The following DNAH7 variants were observed in gnomAD, a reference collection of about 807,000 sequenced individuals.
The protein encoded by DNAH7 is axonemal beta dynein heavy chain 7.
A neutral mutation model predicts 444.6 loss-of-function variants in DNAH7; 397 were observed. The observed-to-expected ratio is 0.89, with a 90% CI of 0.82 to 0.97. DNAH7 has a LOEUF of 0.97. Ranked by LOEUF, DNAH7 falls within the 50% of genes least tolerant of loss-of-function variation. The probability of loss-of-function intolerance (pLI) is 0.00; values close to 1 mark genes in which losing one functional copy is unlikely to be tolerated. For missense variants in DNAH7, 4,902 were observed against 4,800.8 expected, an observed-to-expected ratio of 1.02 and a Z score of -0.62; for synonymous variants, 1,636 against 1,624.4, an observed-to-expected ratio of 1.01 and a Z score of -0.17.
At chr2:195,792,598 T>C (rs1266978459) in intron 57 of DNAH7, among the ~76,000 whole-genome samples, 1 of 152,128 alleles carries the variant, frequency 6.6e-6, no homozygotes, top group Non-Finnish European at 1.5e-5. Context: ...GAAATGGATA[T>C]TACTGCATCA....
At chr2:195,879,643 T>C (rs1236164498) in intron 36 of DNAH7, among the ~76,000 whole-genome samples, 1 of 152,170 alleles carries the variant, frequency 6.6e-6, no homozygotes, top group Non-Finnish European at 1.5e-5. Flanking sequence ...GATGTTTACA[T>C]TTAACACTCA....
At chr2:195,949,191 T>C (rs1690039916) in intron 19 of DNAH7, among the ~76,000 whole-genome samples, 1 of 152,222 alleles carries the variant, frequency 6.6e-6, no homozygotes, top group East Asian at 1.9e-4. Flanking sequence ...GATTTTGGGC[T>C]GAGACAATGG....
intron 24 of DNAH7, among the ~76,000 whole-genome samples, chr2:195,917,074 C>T (rs1687729022): frequency 6.9e-6 from 1 of 144,344 alleles, no homozygotes; most frequent in Non-Finnish European, 1.5e-5. Flanking sequence ...GGCACTCCAG[C>T]CTGGGCAACA....
intron 63 of DNAH7, among the ~76,000 whole-genome samples, chr2:195,751,250 A>G (rs968916403): frequency 3.3e-5 from 5 of 152,198 alleles, no homozygotes; most frequent in Admixed American, 6.5e-5. Context: ...ATATGTCCCA[A>G]TGATTCTTTA....
chr2:195,929,634 A>G (rs1338240838), intron 21 of DNAH7, among the ~76,000 whole-genome samples: 1 of 152,262 alleles, frequency 6.6e-6, no homozygotes, highest in African/African-American at 2.4e-5. Flanking sequence ...AGGACTCCCT[A>G]TTCAATAAAC....
At chr2:195,993,609 A>T (rs13417980) in intron 12 of DNAH7, among the ~76,000 whole-genome samples, 8,652 of 152,210 alleles carry the variant, frequency 0.057, 399 homozygotes, top group African/African-American at 0.13. Flanking sequence ...TATATTTGAA[A>T]ACAGGTTCTT....
Position 195,796,599 on chromosome 2 carries a change from G to T in DNAH7, c.10492C>A (p.Pro3498Thr), listed in dbSNP as rs1199254140. ...QNCHLATSWM[P>T]TLEKVCEELS... ...ACCTCACAGACTTTCTCAAGGGTTG[G>T]CATCCAAGAGGTGGCAAGGTGACAA... Residue 3498 changes from proline to threonine, a missense_variant, in exon 56 of 65, where the codon CCA becomes ACA. Transcript: ENST00000312428. The T allele has an allele frequency of 3.7e-6, 6 of 1,613,944 alleles. No individual in the cohort carries two copies.
intron 46 of DNAH7, among the ~76,000 whole-genome samples, chr2:195,847,125 T>C (rs1237709592): frequency 6.8e-6 from 1 of 147,502 alleles, no homozygotes; most frequent in Non-Finnish European, 1.5e-5. Context: ...ATCGGATATA[T>C]ATATATCTTA....
chr2:195,748,122 GCA>G (rs1693541929), intron 63 of DNAH7, among the ~76,000 whole-genome samples: 1 of 152,050 alleles, frequency 6.6e-6, no homozygotes, highest in Non-Finnish European at 1.5e-5. Flanking sequence ...AAGCTGATAA[GCA>G]ACTTCAGCAA....
chr2:195,774,429 G>A (rs1694977108), intron 60 of DNAH7, among the ~76,000 whole-genome samples: 1 of 152,096 alleles, frequency 6.6e-6, no homozygotes, highest in Non-Finnish European at 1.5e-5. Context: ...GGAGTTCCAT[G>A]GACTCTTCCA....
At chr2:195,741,186 A>G (rs1024243683) in intron 63 of DNAH7, 1 of 157,374 alleles carries the variant, frequency 6.4e-6, no homozygotes, top group Non-Finnish European at 1.4e-5. Context: ...TTGGTCAATG[A>G]TTATACTGTG....
At chr2:195,795,830 G>T (rs34839833) in intron 56 of DNAH7, 3,760 of 152,306 alleles carry the variant, frequency 0.025, 86 homozygotes, top group Non-Finnish European at 0.034. Context: ...TGGGAGACAC[G>T]GCCAGAACAA....
At chr2:196,054,396 C>T (rs990285057) in intron 2 of DNAH7, among the ~76,000 whole-genome samples, 3 of 151,994 alleles carry the variant, frequency 2.0e-5, no homozygotes, top group African/African-American at 7.3e-5. Context: ...TATGGTGGTG[C>T]CTGTGGTCCC....
At chr2:195,777,767 ACTG>A in intron 59 of DNAH7, 30 bp downstream of exon 59, 2 of 1,568,860 alleles carry the variant, frequency 1.3e-6, no homozygotes, top group Non-Finnish European at 1.7e-6. Flanking sequence ...TTCATGTCTT[ACTG>A]CTTTTAGTTT....
intron 58 of DNAH7, 152 bp downstream of exon 58, chr2:195,786,858 C>G: frequency 1.5e-6 from 1 of 689,094 alleles, no homozygotes; most frequent in Non-Finnish European, 2.2e-6. Context: ...TACCCTATTA[C>G]AATAAAGTAC....
intron 12 of DNAH7, among the ~76,000 whole-genome samples, chr2:195,993,225 A>C (rs1693467013): frequency 6.6e-6 from 1 of 152,188 alleles, no homozygotes; most frequent in Non-Finnish European, 1.5e-5. Flanking sequence ...ACTTGCTCCA[A>C]GCTGGGAGTG....
chr2:195,792,392 A>ACACAC (rs1440135774), intron 57 of DNAH7, among the ~76,000 whole-genome samples: 1 of 79,386 alleles, frequency 1.3e-5, no homozygotes, highest in Non-Finnish European at 2.6e-5. Context: ...AAAACCAAAA[A>ACACAC]ATACACACAC....
intron 22 of DNAH7, among the ~76,000 whole-genome samples, chr2:195,924,941 C>T (rs1574786258): frequency 1.3e-5 from 2 of 152,114 alleles, no homozygotes; most frequent in Non-Finnish European, 2.9e-5. Context: ...GCTGCTTTTT[C>T]TACTTTAAAA....
intron 12 of DNAH7, chr2:195,995,442 G>C: frequency 4.8e-6 from 2 of 420,802 alleles, no homozygotes; most frequent in South Asian, 3.8e-5. Flanking sequence ...AGGACTATCT[G>C]GACTTCATAG....
Sources: gnomAD v4.1 joint callset for allele counts (sites outside exome capture counted in the v4.1 genomes callset) on GRCh38, gnomAD v4.1.1 for gene constraint, MANE v1.5 for transcripts, NCBI Gene and HGNC (gene_info 2026-07-23, HGNC 2026-07-21) for gene names.